Variants in RTEL1 observed in about 807,000 individuals in gnomAD.
The protein encoded by RTEL1 is regulator of telomere elongation helicase 1, also known as regulator of telomere length.
A neutral mutation model predicts 162.2 loss-of-function variants in RTEL1; 86 were observed. That is an observed-to-expected ratio of 0.53 (90% CI 0.45 to 0.63). The LOEUF is 0.63. Among genes scored for constraint, RTEL1 ranks in the 30% least tolerant of loss-of-function variants. The pLI is 0.00. For synonymous variants in RTEL1, 958 were observed against 717.9 expected (o/e 1.33, Z -5.35); for missense variants, 1,941 against 1,750.2 (o/e 1.11, Z -1.95).
In RTEL1 at chr20:63,690,939, G is replaced by A. The variant is rs757613157; in HGVS notation, c.2548G>A (p.Glu850Lys). ...CGAACAGCGGGCGGGGAGCCCTGGCGAGGAGCAGGTACAGTTCCAGGGCCT... is the reference window on the plus strand; with the variant it reads ...CGAACAGCGGGCGGGGAGCCCTGGCAAGGAGCAGGTACAGTTCCAGGGCCT... Reference protein sequence around the residue: ...HSEQRAGSPGEEQAHSCSTLS... With the variant: ...HSEQRAGSPGKEQAHSCSTLS... Residue 850 changes from glutamate to lysine, a missense_variant, in exon 27 of 35, where the codon GAG becomes AAG. Coordinates refer to ENST00000360203, the MANE Select transcript of RTEL1 (RefSeq NM_001283009.2). The A allele has an allele frequency of 3.1e-5, 48 of 1,550,012 alleles. No individual in the cohort carries two copies. The highest frequency in any genetic ancestry group is 2.2e-4 in the Middle Eastern group (1 of 4,618).
chr20:63,687,799 C>T (rs2090630837), intron 17 of RTEL1, 29 bp downstream of exon 17: 2 of 1,554,118 alleles, frequency 1.3e-6, no homozygotes, highest in Non-Finnish European at 8.7e-7. Flanking sequence ...AGGGCCTGAG[C>T]ACCGGTGACA....
At chr20:63,662,651 G>A (rs369537146) in intron 5 of RTEL1, 24 bp downstream of exon 5, 20 of 1,613,058 alleles carry the variant, frequency 1.2e-5, no homozygotes, top group Middle Eastern at 1.6e-4. Flanking sequence ...CTCCCGCTCC[G>A]GCTCAGTGTC....
At chr20:63,694,054 G>C (rs553457320) in intron 30 of RTEL1, among the ~76,000 whole-genome samples, 4 of 152,000 alleles carry the variant, frequency 2.6e-5, no homozygotes, top group South Asian at 4.1e-4. Flanking sequence ...GTTCACCCAG[G>C]GGGGAACCTA....
intron 30 of RTEL1, among the ~76,000 whole-genome samples, chr20:63,693,855 T>C (rs1321215787): frequency 1.4e-5 from 2 of 146,686 alleles, no homozygotes; most frequent in African/African-American, 5.1e-5. Flanking sequence ...AGCACAGCCC[T>C]GTCCAACTGC....
At position 63,695,801 on chromosome 20, in the gene RTEL1, C is replaced by A; in HGVS notation, c.3846C>A (p.Cys1282Ter). 6.3e-7 allele frequency: 1 copy of A among 1,598,690 alleles called. No individual in the cohort carries two copies. Among genetic ancestry groups the A allele is most frequent in the Admixed American group, 1.7e-5 (1 of 57,552 alleles). ...AGGCCTCTAGGATGTGCCCAGCCTG[C>A]CACACCGCCTCCAGGAAGCAGAGCG... ...HLQASRMCPA[C>*]HTASRKQSVM... The change falls in exon 35 of 35, where the codon TGC becomes TGA. Residue 1282 changes from cysteine to a stop codon, truncating the protein, a stop_gained. Coordinates refer to ENST00000360203, the MANE Select transcript of RTEL1 (RefSeq NM_001283009.2). LOFTEE classifies it high-confidence loss of function.
chr20:63,677,192 G>A (rs1185174253), intron 10 of RTEL1, among the ~76,000 whole-genome samples: 1 of 152,196 alleles, frequency 6.6e-6, no homozygotes, highest in Non-Finnish European at 1.5e-5. Flanking sequence ...TTCTTTTCCT[G>A]CAAGACGGTA....
intron 30 of RTEL1, 46 bp from the exon 31 acceptor site, chr20:63,694,320 GAACTTT>G: frequency 7.5e-7 from 1 of 1,328,740 alleles, no homozygotes; most frequent in Non-Finnish European, 1.1e-6. Context: ...CCACCCCAGG[GAACTTT>G]CCAGATGCTC....
chr20:63,659,102 G>A, intron 1 of RTEL1, 131 bp from the exon 2 acceptor site: 1 of 343,410 alleles, frequency 2.9e-6, no homozygotes, highest in Non-Finnish European at 5.6e-6. Flanking sequence ...CGCCCCGCCA[G>A]CTCCTCGAGA....
At chr20:63,694,707 A>G (rs1437522363) in intron 31 of RTEL1, 34 bp from the exon 32 acceptor site, 3 of 1,536,982 alleles carry the variant, frequency 2.0e-6, no homozygotes, top group African/African-American at 1.4e-5. Context: ...CCTCCACCCC[A>G]GCGCCACTCT....
At chr20:63,663,000 C>T (rs1050863611) in intron 6 of RTEL1, 111 bp downstream of exon 6, 17 of 1,031,884 alleles carry the variant, frequency 1.6e-5, no homozygotes, top group Admixed American at 8.7e-5. Flanking sequence ...GCGGCCAGTG[C>T]GGCCATGTAC....
chr20:63,659,520 C>G lies in RTEL1; in HGVS notation c.102+16C>G, dbSNP rs765782315. On this transcript the variant is annotated intron_variant, in intron 2 of 34. Transcript: ENST00000360203. The stretch of plus-strand genomic sequence containing the variant: ...TCTGCAGCAGGTAGAGCACAGGCCC[C>G]GAGGAAAGGACTGCGGGTGGGTGGA... 4.4e-6 allele frequency: 7 copies of G among 1,588,842 alleles called. No individual in the cohort carries two copies. The highest frequency in any genetic ancestry group is 3.3e-5 in the Admixed American group (2 of 59,944).
At chr20:63,675,599 G>A (rs902749484) in intron 10 of RTEL1, among the ~76,000 whole-genome samples, 8 of 151,856 alleles carry the variant, frequency 5.3e-5, no homozygotes, top group East Asian at 2.0e-4. Context: ...CTGTAGCCTC[G>A]GCCTCCTGGG....
At chr20:63,693,074 G>T in intron 29 of RTEL1, 69 bp from the exon 30 acceptor site, 2 of 1,609,830 alleles carry the variant, frequency 1.2e-6, no homozygotes, top group Non-Finnish European at 1.7e-6. Flanking sequence ...GGGGCCATCT[G>T]GGTCCAAGGT....
chr20:63,663,150 A>G (rs992693823), intron 6 of RTEL1, among the ~76,000 whole-genome samples: 2 of 152,118 alleles, frequency 1.3e-5, no homozygotes, highest in Non-Finnish European at 2.9e-5. Flanking sequence ...GGCTCCCTCC[A>G]TTTCCTGATG....
intron 8 of RTEL1, among the ~76,000 whole-genome samples, chr20:63,669,084 G>T (rs1180652180): frequency 6.6e-6 from 1 of 152,198 alleles, no homozygotes; most frequent in Non-Finnish European, 1.5e-5. Flanking sequence ...CTAGGTTCTA[G>T]CGATTCTCCC....
chr20:63,679,776 T>G, intron 12 of RTEL1, 73 bp from the exon 13 acceptor site: 1 of 1,188,486 alleles, frequency 8.4e-7, no homozygotes, highest in Non-Finnish European at 1.2e-6. Flanking sequence ...GAGCCTGCCT[T>G]CTTCTCCTCA....
intron 27 of RTEL1, 30 bp downstream of exon 27, chr20:63,690,977 A>C: frequency 6.5e-7 from 1 of 1,535,104 alleles, no homozygotes; most frequent in Admixed American, 2.0e-5. Flanking sequence ...GGATGGACAC[A>C]GACCCTCTGT....
At chr20:63,658,646 G>C (rs925351076) in intron 1 of RTEL1, 180 bp downstream of exon 1, 1 of 152,334 alleles carries the variant, frequency 6.6e-6, no homozygotes, top group African/African-American at 2.4e-5. Context: ...CTGGCGCCGC[G>C]GCGTTGGCTG....
In RTEL1 at chr20:63,685,827, G is replaced by A; in HGVS notation, c.1303G>A (p.Ala435Thr). 6.2e-7 allele frequency: 1 copy of A among 1,612,656 alleles called. No individual in the cohort carries two copies. The highest frequency in any genetic ancestry group is 1.1e-5 in the South Asian group (1 of 91,028). ...IHPDAGHRRT[A>T]QRSDAWSTTA... ...TCCTGATGCTGGTCACCGGAGGACG[G>A]CTCAGCGGTCTGATGCCTGGAGCAC... The change falls in exon 16 of 35, where the codon GCT becomes ACT. Residue 435 changes from alanine (A) to threonine (T), a missense_variant. By Grantham distance (58) the Ala-to-Thr change is moderately conservative. Coordinates refer to ENST00000360203, the MANE Select transcript of RTEL1 (RefSeq NM_001283009.2).
Sources: allele counts gnomAD v4.1 joint callset (sites outside exome capture counted in the v4.1 genomes callset), GRCh38; gene constraint gnomAD v4.1.1; transcripts MANE v1.5; gene names NCBI Gene and HGNC (gene_info 2026-07-23, HGNC 2026-07-21).